Variants in CASR observed in about 807,000 individuals in gnomAD.
CASR encodes calcium sensing receptor, also known as extracellular calcium-sensing receptor.
Under a neutral mutation model 69.1 loss-of-function variants are expected in CASR, and 23 were observed. That is an observed-to-expected ratio of 0.33 (90% CI 0.24 to 0.47). The LOEUF (loss-of-function observed/expected upper bound fraction) is 0.47, where lower values mean the gene tolerates loss of function less well. Among genes scored for constraint, CASR ranks in the 20% least tolerant of loss-of-function variants. CASR has a pLI of 1.00. For synonymous variants in CASR, 541 were observed against 544.7 expected, an observed-to-expected ratio of 0.99 and a Z score of 0.10; for missense variants, 924 against 1,356.1, an observed-to-expected ratio of 0.68 and a Z score of 5.00.
chr3:122,242,275 G>A (rs527709690), intron 1 of CASR, among the ~76,000 whole-genome samples: 1 of 152,128 alleles, frequency 6.6e-6, no homozygotes, highest in East Asian at 1.9e-4. Flanking sequence ...CTTATATTTA[G>A]AAAAACCTAT....
At chr3:122,216,681 G>A (rs547464890) in intron 1 of CASR, among the ~76,000 whole-genome samples, 32 of 152,150 alleles carry the variant, frequency 2.1e-4, no homozygotes, top group South Asian at 8.3e-4. Flanking sequence ...TAGTATAGCC[G>A]GGCACATAAA....
intron 1 of CASR, among the ~76,000 whole-genome samples, chr3:122,229,366 A>G (rs1202892707): frequency 6.6e-6 from 1 of 152,234 alleles, no homozygotes; most frequent in Non-Finnish European, 1.5e-5. Flanking sequence ...CAGTCATGGC[A>G]GTGGGCAGAG....
intron 1 of CASR, among the ~76,000 whole-genome samples, chr3:122,209,430 A>C (rs768640438): frequency 6.6e-6 from 1 of 152,230 alleles, no homozygotes; most frequent in Non-Finnish European, 1.5e-5. Context: ...TTGGACTTAC[A>C]GTTCCATGTG....
At chr3:122,221,616 C>A (rs760028831) in intron 1 of CASR, among the ~76,000 whole-genome samples, 77 of 152,202 alleles carry the variant, frequency 5.1e-4, no homozygotes, top group Non-Finnish European at 9.6e-4. Flanking sequence ...GGTGTAGAAT[C>A]TTTACTGATC....
chr3:122,219,035 G>C (rs2074145673), intron 1 of CASR, among the ~76,000 whole-genome samples: 1 of 152,268 alleles, frequency 6.6e-6, no homozygotes, highest in Non-Finnish European at 1.5e-5. Context: ...GGGAAATTAG[G>C]GTGGCCGGAA....
At chr3:122,260,492 G>T (rs1022226481) in intron 3 of CASR, among the ~76,000 whole-genome samples, 12 of 152,172 alleles carry the variant, frequency 7.9e-5, no homozygotes, top group African/African-American at 2.9e-4. Context: ...TGTCAAGCAG[G>T]CTCAGCCATC....
chr3:122,188,864 G>A (rs1232229307), intron 1 of CASR, among the ~76,000 whole-genome samples: 2 of 152,162 alleles, frequency 1.3e-5, no homozygotes, highest in African/African-American at 2.4e-5. Flanking sequence ...AGAGGATTCA[G>A]GTAGTTCCTA....
chr3:122,202,242 C>A (rs2073963164), intron 1 of CASR, among the ~76,000 whole-genome samples: 1 of 152,266 alleles, frequency 6.6e-6, no homozygotes, highest in East Asian at 1.9e-4. Flanking sequence ...CACAGCGAAA[C>A]CCCGTCTCCA....
chr3:122,239,855 G>A (rs1163403696), intron 1 of CASR, among the ~76,000 whole-genome samples: 1 of 152,036 alleles, frequency 6.6e-6, no homozygotes. Context: ...AAAGAAAAAA[G>A]AACAAAAAAG....
At chr3:122,253,021 C>A (rs1198771921) in intron 1 of CASR, among the ~76,000 whole-genome samples, 1 of 152,166 alleles carries the variant, frequency 6.6e-6, no homozygotes, top group East Asian at 1.9e-4. Context: ...CTCCTATATC[C>A]AGCTGTTGAT....
chr3:122,229,835 C>T (rs188966533), intron 1 of CASR, among the ~76,000 whole-genome samples: 4 of 152,256 alleles, frequency 2.6e-5, no homozygotes, highest in Admixed American at 1.3e-4. Context: ...GCATTCTAGC[C>T]TGGGTGGGCA....
intron 1 of CASR, among the ~76,000 whole-genome samples, chr3:122,209,248 T>TA (rs34400100): frequency 6.6e-6 from 1 of 151,630 alleles, no homozygotes; most frequent in African/African-American, 2.4e-5. Context: ...ATCCTCACAC[T>TA]AAAAAAAAGC....
chr3:122,205,451 T>C (rs1309603741), intron 1 of CASR, among the ~76,000 whole-genome samples: 1 of 152,120 alleles, frequency 6.6e-6, no homozygotes, highest in East Asian at 1.9e-4. Context: ...TGTTTTTTTA[T>C]GCCATTATGC....
At position 122,254,393 on chromosome 3, in the gene CASR, T is replaced by G. The variant is rs1293600651; in HGVS notation, c.185+19T>G. On this transcript the variant is annotated intron_variant, in intron 2 of 6. Coordinates refer to ENST00000639785, the MANE Select transcript of CASR (RefSeq NM_000388.4). ...GTATCAGGTAAGAAGAGGGGCCTAA[T>G]CTGCCAATCTCTTCTCTTCTGAGTG... 1 of 1,609,508 alleles carries G rather than the reference T, an allele frequency of 6.2e-7. No homozygotes were observed. The highest frequency in any genetic ancestry group is 8.5e-7 in the Non-Finnish European group (1 of 1,175,872).
intron 1 of CASR, among the ~76,000 whole-genome samples, chr3:122,252,389 AGG>A (rs2074496730): frequency 3.6e-5 from 1 of 27,898 alleles, no homozygotes; most frequent in African/African-American, 1.5e-4. Context: ...GAAGGAAGGA[AGG>A]AAGGAAGGAA....
Position 122,284,110 on chromosome 3 carries a change from G to T in CASR, c.2156G>T (p.Trp719Leu). The change falls in exon 7 of 7, where the codon TGG (tryptophan) becomes TTG (leucine). Residue 719 changes from tryptophan (W) to leucine (L), a missense_variant. Transcript: ENST00000639785. The part of the protein sequence containing the change: ...KIPTSFHRKW[W>L]GLNLQFLLVF... Reference sequence around the variant, plus strand: ...CCCACCAGCTTCCACCGCAAGTGGTGGGGGCTCAACCTGCAGTTCCTGCTG... The same window carrying T: ...CCCACCAGCTTCCACCGCAAGTGGTTGGGGCTCAACCTGCAGTTCCTGCTG... The T allele has an allele frequency of 6.2e-7, 1 of 1,614,092 alleles. No homozygotes were observed. Among genetic ancestry groups the T allele is most frequent in the Non-Finnish European group, 8.5e-7 (1 of 1,179,982 alleles).
chr3:122,242,970 A>G (rs2074392823), intron 1 of CASR, among the ~76,000 whole-genome samples: 1 of 151,990 alleles, frequency 6.6e-6, no homozygotes, highest in Non-Finnish European at 1.5e-5. Context: ...TGGATATCCA[A>G]ATGCAGAAGA....
intron 3 of CASR, among the ~76,000 whole-genome samples, chr3:122,260,359 G>A (rs2074605858): frequency 1.3e-5 from 2 of 152,336 alleles, no homozygotes; most frequent in South Asian, 2.1e-4. Flanking sequence ...TCTTCCCTTG[G>A]TAGTCCACAC....
chr3:122,269,448 T>A (rs993434600), intron 4 of CASR, among the ~76,000 whole-genome samples: 1 of 152,240 alleles, frequency 6.6e-6, no homozygotes, highest in Non-Finnish European at 1.5e-5. Flanking sequence ...TCATCAGTGC[T>A]TTTTCTGTAT....
Sources: gnomAD v4.1 joint callset for allele counts (sites outside exome capture counted in the v4.1 genomes callset) on GRCh38, gnomAD v4.1.1 for gene constraint, MANE v1.5 for transcripts, NCBI Gene and HGNC (gene_info 2026-07-23, HGNC 2026-07-21) for gene names.